STAT4: variants seen among roughly 807,000 people sequenced by gnomAD.
The protein encoded by STAT4 is signal transducer and activator of transcription 4.
STAT4 carries 42 observed loss-of-function variants against 110.5 expected under a neutral mutation model. That is an observed-to-expected ratio of 0.38 (90% CI 0.30 to 0.49). STAT4 has a LOEUF of 0.49. Among genes scored for constraint, STAT4 ranks in the 20% least tolerant of loss-of-function variants. STAT4 has a pLI of 0.95. For missense variants in STAT4, 632 were observed against 887.9 expected, an observed-to-expected ratio of 0.71 and a Z score of 3.66; for synonymous variants, 284 against 302.2, an observed-to-expected ratio of 0.94 and a Z score of 0.63.
chr2:191,063,421 A>G (rs1696902404), intron 8 of STAT4, among the ~76,000 whole-genome samples: 1 of 152,234 alleles, frequency 6.6e-6, no homozygotes, highest in Non-Finnish European at 1.5e-5. Context: ...AAAGTGATCA[A>G]TGACTCTCTT....
intron 14 of STAT4, among the ~76,000 whole-genome samples, chr2:191,048,429 T>C (rs1559043342): frequency 6.6e-6 from 1 of 152,108 alleles, no homozygotes; most frequent in Non-Finnish European, 1.5e-5. Context: ...CACTATTCAG[T>C]CTCACATTCG....
Position 191,062,704 on chromosome 2 carries a change from T to C in STAT4, c.941+58A>G, listed in dbSNP as rs964116234. On this transcript the variant is annotated intron_variant, in intron 9 of 23. Coordinates refer to ENST00000392320, the MANE Select transcript of STAT4 (RefSeq NM_003151.4). The surrounding 1 kb of genome is among the most constrained non-coding windows in gnomAD (Gnocchi z 4.9). Reference sequence around the variant, plus strand: ...CTCTTCCACCTAAACACCAAAACCTTAGGAAGGGTGTTCTTACTTCACAGA... The same window carrying C: ...CTCTTCCACCTAAACACCAAAACCTCAGGAAGGGTGTTCTTACTTCACAGA... 22 of 1,595,414 alleles carry C rather than the reference T, an allele frequency of 1.4e-5. No individual in the cohort carries two copies. Among genetic ancestry groups the C allele is most frequent in the Non-Finnish European group, 1.7e-5 (20 of 1,166,350 alleles).
chr2:191,141,003 C>G (rs34734710), intron 3 of STAT4, among the ~76,000 whole-genome samples: 58,584 of 151,748 alleles, frequency 0.39, 11,546 homozygotes, highest in East Asian at 0.5. Context: ...AACCAAATAT[C>G]ATATGTTCTC....
intron 3 of STAT4, among the ~76,000 whole-genome samples, chr2:191,105,453 A>G (rs1486998473): frequency 6.6e-6 from 1 of 152,240 alleles, no homozygotes; most frequent in Non-Finnish European, 1.5e-5. Flanking sequence ...TTACAGCTAT[A>G]GACTCCTCTC....
chr2:191,131,683 T>C, intron 3 of STAT4: 2 of 979,128 alleles, frequency 2.0e-6, no homozygotes, highest in Non-Finnish European at 2.7e-6. Flanking sequence ...CATCTGGGTA[T>C]AAAATGTCAA....
intron 17 of STAT4, 129 bp from the exon 18 acceptor site, chr2:191,034,726 C>T (rs1158725325): frequency 1.4e-6 from 1 of 706,928 alleles, no homozygotes; most frequent in East Asian, 2.7e-5. Context: ...TTGCAATGTA[C>T]TGAGTGCTAG....
At chr2:191,041,295 T>C (rs1696191749) in intron 14 of STAT4, 147 bp from the exon 15 acceptor site, 1 of 323,140 alleles carries the variant, frequency 3.1e-6, no homozygotes, top group East Asian at 6.1e-5. Context: ...CATTCCCTCT[T>C]ATTGTTTTAA....
At chr2:191,129,323 G>A (rs764715702) in intron 3 of STAT4, among the ~76,000 whole-genome samples, 2 of 152,128 alleles carry the variant, frequency 1.3e-5, no homozygotes, top group Non-Finnish European at 2.9e-5. Flanking sequence ...GCATGGTGGT[G>A]CATGCCTGAA....
Position 191,150,946 on chromosome 2 carries a change from C to T in STAT4, c.-2+1G>A. The T allele has an allele frequency of 1.0e-6, 1 of 985,724 alleles. No individual in the cohort carries two copies. The highest frequency in any genetic ancestry group is 1.2e-6 in the Non-Finnish European group (1 of 830,074). 61.1% of individuals were successfully genotyped at this position (985,724 alleles called of 1,614,324 possible). On this transcript the variant is annotated splice_donor_variant, in intron 1 of 23. Transcript: ENST00000392320. LOFTEE classifies it low-confidence loss of function (5UTR_SPLICE). This position sits in a 1 kb window ranked among gnomAD's most constrained non-coding sequence, Gnocchi z 6.4. ...CCAGAAGGTGTGGTCTGGCCACTTA[C>T]CTAGCGCTCTCTCAGCACAGGTCCC...
At chr2:191,034,476 T>C (rs375869762) in intron 18 of STAT4, 72 bp downstream of exon 18, 30 of 1,110,182 alleles carry the variant, frequency 2.7e-5, no homozygotes, top group Non-Finnish European at 3.8e-5. Flanking sequence ...AAACCCCATG[T>C]AGTAATAGAC....
chr2:191,103,173 T>C (rs1466960448), intron 3 of STAT4, among the ~76,000 whole-genome samples: 1 of 152,174 alleles, frequency 6.6e-6, no homozygotes, highest in Non-Finnish European at 1.5e-5. Flanking sequence ...TTCAGAAGTA[T>C]GTTGTTCTTC....
Position 191,083,921 on chromosome 2 carries a change from T to A in STAT4, c.274-7596A>T, listed in dbSNP as rs1697557226. Among the ~76,000 whole-genome samples the A allele has an allele frequency of 6.6e-6, 1 of 152,182 alleles. No homozygotes were observed. The highest frequency in any genetic ancestry group is 2.4e-5 in the African/African-American group (1 of 41,430). ...AAATAAAACAGCAATGTCTTCAGAATTTAGACATTTGGCCTAAATTAGTCC... is the reference window on the plus strand; with the variant it reads ...AAATAAAACAGCAATGTCTTCAGAAATTAGACATTTGGCCTAAATTAGTCC... On this transcript the variant is annotated intron_variant, in intron 3 of 23. Coordinates refer to ENST00000392320, the MANE Select transcript of STAT4 (RefSeq NM_003151.4). This position sits in a 1 kb window ranked among gnomAD's most constrained non-coding sequence, Gnocchi z 4.6.
rs1054356278 is a variant in STAT4, at chr2:191,037,661, C to T, written c.1435-1362G>A. Among the ~76,000 whole-genome samples the T allele has an allele frequency of 3.3e-5, 5 of 152,036 alleles. No individual in the cohort carries two copies. Among genetic ancestry groups the T allele is most frequent in the Admixed American group, 2.6e-4 (4 of 15,266 alleles). ...CGTTGTGAACAAGAGCTAAATTGGG[C>T]TTAGATTAATCAAGAAAAAGAACCA... On this transcript the variant is annotated intron_variant, in intron 16 of 23. Coordinates refer to ENST00000392320, the MANE Select transcript of STAT4 (RefSeq NM_003151.4). This position sits in a 1 kb window ranked among gnomAD's most constrained non-coding sequence, Gnocchi z 4.8.
Position 191,117,718 on chromosome 2 carries a change from C to A in STAT4, c.273+28895G>T, listed in dbSNP as rs1052275003. Among the ~76,000 whole-genome samples, 1 of 152,068 alleles carries A rather than the reference C, an allele frequency of 6.6e-6. No homozygotes were observed. The highest frequency in any genetic ancestry group is 2.4e-5 in the African/African-American group (1 of 41,422). On this transcript the variant is annotated intron_variant, in intron 3 of 23. Transcript: ENST00000392320. This position sits in a 1 kb window ranked among gnomAD's most constrained non-coding sequence, Gnocchi z 5.2. Reference sequence around the variant, plus strand: ...AGTCCATTCTAAGAATACAAAATACCCACATCCTAAATCCACCATTGCTTA... The same window carrying A: ...AGTCCATTCTAAGAATACAAAATACACACATCCTAAATCCACCATTGCTTA...
Position 191,032,711 on chromosome 2 carries a change from C to A in STAT4, c.2044+247G>T, listed in dbSNP as rs1346810076. On this transcript the variant is annotated intron_variant, in intron 21 of 23. Coordinates refer to ENST00000392320, the MANE Select transcript of STAT4 (RefSeq NM_003151.4). This position sits in a 1 kb window ranked among gnomAD's most constrained non-coding sequence, Gnocchi z 4.9. ...AAGCTCTCCAAGTGGCTATGAGAGGCCCCCATGGCCATGGTGAAGTTTAGT... is the reference window on the plus strand; with the variant it reads ...AAGCTCTCCAAGTGGCTATGAGAGGACCCCATGGCCATGGTGAAGTTTAGT... Among the ~76,000 whole-genome samples the A allele has an allele frequency of 6.6e-6, 1 of 152,134 alleles. No individual in the cohort carries two copies. The highest frequency in any genetic ancestry group is 1.5e-5 in the Non-Finnish European group (1 of 68,028).
intron 3 of STAT4, among the ~76,000 whole-genome samples, chr2:191,134,560 T>C (rs1699127341): frequency 6.6e-6 from 1 of 152,106 alleles, no homozygotes; most frequent in African/African-American, 2.4e-5. Context: ...CCCTAAGCCA[T>C]CAAGGAAATC....
rs1369423416 is a variant in STAT4 at position 191,117,804 on chromosome 2, G to A, written c.273+28809C>T. ...TGAACTCCCTGAATCCTACCTCTCC[G>A]AGCCACATTCCCAAATTCCACCTTT... On this transcript the variant is annotated intron_variant, in intron 3 of 23. Transcript: ENST00000392320. The surrounding 1 kb of genome is among the most constrained non-coding windows in gnomAD (Gnocchi z 5.2). Among the ~76,000 whole-genome samples, 3 of 152,192 alleles carry A rather than the reference G, an allele frequency of 2.0e-5. No individual in the cohort carries two copies. The highest frequency in any genetic ancestry group is 4.8e-5 in the African/African-American group (2 of 41,544).
Position 191,090,886 on chromosome 2 carries a change from C to G in STAT4, c.274-14561G>C, listed in dbSNP as rs1048398753. ...GATTACAGGCGTGAGCCACCATACC[C>G]GGCCTTAAACTACTTCTTAAAGGTA... On this transcript the variant is annotated intron_variant, in intron 3 of 23. Transcript: ENST00000392320. This position sits in a 1 kb window ranked among gnomAD's most constrained non-coding sequence, Gnocchi z 4.2. 1.3e-5 allele frequency among the ~76,000 whole-genome samples: 2 copies of G among 152,138 alleles called. No homozygotes were observed. Among genetic ancestry groups the G allele is most frequent in the African/African-American group, 4.8e-5 (2 of 41,442 alleles).
chr2:191,074,847 A>T (rs143008320), intron 4 of STAT4, among the ~76,000 whole-genome samples: 3 of 152,142 alleles, frequency 2.0e-5, no homozygotes, highest in Admixed American at 6.5e-5. Context: ...TAAACATGAG[A>T]ATTTTTTAAG....
Sources: gnomAD v4.1 joint callset for allele counts (sites outside exome capture counted in the v4.1 genomes callset) on GRCh38, gnomAD v4.1.1 for gene constraint, Gnocchi (gnomAD v3.1) non-coding constraint, MANE v1.5 for transcripts, NCBI Gene and HGNC (gene_info 2026-07-23, HGNC 2026-07-21) for gene names.